Variants in SNX29 observed in about 807,000 individuals in gnomAD.
SNX29 encodes the protein sorting nexin 29, also known as sorting nexin-29.
In SNX29, 78 loss-of-function variants were observed where a neutral mutation model predicts 102.1. The observed-to-expected ratio is 0.76, with a 90% CI of 0.64 to 0.92. The LOEUF (loss-of-function observed/expected upper bound fraction) is 0.92, where lower values mean the gene tolerates loss of function less well. Among genes scored for constraint, SNX29 ranks in the 40% least tolerant of loss-of-function variants. The pLI, the probability that SNX29 is intolerant of heterozygous loss-of-function variation, is 0.00. For synonymous variants in SNX29, 580 were observed against 414.5 expected (o/e 1.40, Z -4.85); for missense variants, 1,280 against 1,061.7 (o/e 1.21, Z -2.86).
At chr16:12,073,633 A>G (rs1453133555) in intron 10 of SNX29, among the ~76,000 whole-genome samples, 2 of 152,200 alleles carry the variant, frequency 1.3e-5, no homozygotes, top group African/African-American at 4.8e-5. Flanking sequence ...GCTGAAAAAA[A>G]TATATATTCT....
chr16:12,568,524 A>G lies in SNX29; in HGVS notation c.2337A>G (p.Gly779=), dbSNP rs754692583. Reference sequence around the variant, plus strand: ...CTTTCAGCGACATCACCCCGCCCGGAGAGCCTGTGAACAGCCGGCCCAAAG... The same window carrying G: ...CTTTCAGCGACATCACCCCGCCCGGGGAGCCTGTGAACAGCCGGCCCAAAG... The part of the protein sequence containing the change: ...MPFFVDITPP[G]EPVNSRPKAA... Residue 779 remains glycine, a synonymous_variant, in exon 21 of 21, where the codon GGA becomes GGG. Coordinates refer to ENST00000566228, the MANE Select transcript of SNX29 (RefSeq NM_032167.5). The G allele has an allele frequency of 1.2e-6, 2 of 1,609,818 alleles. No homozygotes were observed. The highest frequency in any genetic ancestry group is 1.7e-6 in the Non-Finnish European group (2 of 1,179,842).
At chr16:12,276,128 A>C (rs1420167280) in intron 14 of SNX29, among the ~76,000 whole-genome samples, 3 of 152,056 alleles carry the variant, frequency 2.0e-5, no homozygotes, top group African/African-American at 7.2e-5. Flanking sequence ...CCTGACCTCA[A>C]GTGATCCACC....
chr16:12,457,570 A>G (rs1469391948), intron 18 of SNX29, among the ~76,000 whole-genome samples: 3 of 152,182 alleles, frequency 2.0e-5, no homozygotes, highest in Non-Finnish European at 4.4e-5. Flanking sequence ...AGGTGGGGGA[A>G]AAGACAAAGG....
At chr16:12,455,388 A>G (rs1167403897) in intron 18 of SNX29, among the ~76,000 whole-genome samples, 1 of 152,142 alleles carries the variant, frequency 6.6e-6, no homozygotes, top group Non-Finnish European at 1.5e-5. Flanking sequence ...ACACCAGGCA[A>G]GCCCTGCATA....
intron 3 of SNX29, among the ~76,000 whole-genome samples, chr16:12,006,807 T>A (rs975285353): frequency 6.6e-6 from 1 of 152,090 alleles, no homozygotes; most frequent in African/African-American, 2.4e-5. Flanking sequence ...TTTGTAGAGA[T>A]GGGGTCTCAC....
At chr16:12,093,897 G>GA (rs1267169744) in intron 11 of SNX29, 7 of 152,284 alleles carry the variant, frequency 4.6e-5, no homozygotes, top group South Asian at 2.1e-4. Context: ...CCAGGCTTTA[G>GA]AAAAAAGTAA....
chr16:12,439,202 C>T (rs1374468729), intron 18 of SNX29, among the ~76,000 whole-genome samples: 1 of 152,154 alleles, frequency 6.6e-6, no homozygotes, highest in Non-Finnish European at 1.5e-5. Context: ...GAAGCAGCCT[C>T]TGTAGGCAGG....
intron 14 of SNX29, among the ~76,000 whole-genome samples, chr16:12,275,507 CAG>C (rs1159462254): frequency 1.3e-5 from 2 of 152,206 alleles, no homozygotes; most frequent in Non-Finnish European, 1.5e-5. Context: ...CCGTCATTTC[CAG>C]AGGTGTCTTG....
At chr16:12,384,136 G>A (rs1042583275) in intron 16 of SNX29, among the ~76,000 whole-genome samples, 2 of 152,170 alleles carry the variant, frequency 1.3e-5, no homozygotes, top group Non-Finnish European at 2.9e-5. Context: ...GGACATTTAG[G>A]TTGCTTCCAA....
In SNX29 at chr16:12,098,081, A is replaced by G. The variant is rs1447122082; in HGVS notation, c.1402+19166A>G. Reference sequence around the variant, plus strand: ...GAGGTGAATAGCACTTGCCATGTGCAGTGCCCGCACACGCTGGGCCCAGAG... The same window carrying G: ...GAGGTGAATAGCACTTGCCATGTGCGGTGCCCGCACACGCTGGGCCCAGAG... On this transcript the variant is annotated intron_variant, in intron 11 of 20. Coordinates refer to ENST00000566228, the MANE Select transcript of SNX29 (RefSeq NM_032167.5). The surrounding 1 kb of genome is among the most constrained non-coding windows in gnomAD (Gnocchi z 6.0). 6.6e-6 allele frequency among the ~76,000 whole-genome samples: 1 copy of G among 152,216 alleles called. No homozygotes were observed. The highest frequency in any genetic ancestry group is 1.5e-5 in the Non-Finnish European group (1 of 68,036).
intron 19 of SNX29, among the ~76,000 whole-genome samples, chr16:12,513,701 GTTTTC>G (rs1038631496): frequency 6.6e-6 from 1 of 152,182 alleles, no homozygotes; most frequent in African/African-American, 2.4e-5. Flanking sequence ...GATTAGAACA[GTTTTC>G]TTTTCTAAAT....
At chr16:11,999,683 C>T (rs1390273728) in intron 2 of SNX29, among the ~76,000 whole-genome samples, 1 of 152,170 alleles carries the variant, frequency 6.6e-6, no homozygotes, top group Non-Finnish European at 1.5e-5. Flanking sequence ...GACCGGATCA[C>T]TTGAGGTCAG....
intron 3 of SNX29, among the ~76,000 whole-genome samples, chr16:12,003,687 A>G (rs2056366078): frequency 6.6e-6 from 1 of 152,136 alleles, no homozygotes; most frequent in South Asian, 2.1e-4. Flanking sequence ...TATTGTGATC[A>G]TTTGTTCCTT....
intron 20 of SNX29, among the ~76,000 whole-genome samples, chr16:12,544,393 G>C (rs1418929009): frequency 1.3e-5 from 2 of 152,174 alleles, no homozygotes; most frequent in Non-Finnish European, 2.9e-5. Flanking sequence ...GTTGTGAGGT[G>C]GTTCTGCTAA....
chr16:12,481,761 C>T (rs546987076), intron 19 of SNX29, among the ~76,000 whole-genome samples: 5 of 152,318 alleles, frequency 3.3e-5, no homozygotes, highest in Admixed American at 1.3e-4. Context: ...TCTCAAACTC[C>T]TGATCTCAAG....
At chr16:12,326,458 C>T (rs1042937182) in intron 15 of SNX29, among the ~76,000 whole-genome samples, 4 of 151,632 alleles carry the variant, frequency 2.6e-5, no homozygotes, top group Non-Finnish European at 5.9e-5. Flanking sequence ...CTGTAAAGGG[C>T]TGTGTCGGAA....
chr16:12,254,116 G>T lies in SNX29; in HGVS notation c.1679-23817G>T, dbSNP rs143194255. ...ATGGCTTTGTGGGGGCCGAGCAGGAGCTTGGGTACAGGCATGTTGAGTGTG... is the reference window on the plus strand; with the variant it reads ...ATGGCTTTGTGGGGGCCGAGCAGGATCTTGGGTACAGGCATGTTGAGTGTG... On this transcript the variant is annotated intron_variant, in intron 14 of 20. Coordinates refer to ENST00000566228, the MANE Select transcript of SNX29 (RefSeq NM_032167.5). Among the ~76,000 whole-genome samples the T allele has an allele frequency of 1.9e-3, 290 of 152,294 alleles. 1 individual carries two copies. The highest frequency in any genetic ancestry group is 3.6e-3 in the Non-Finnish European group (244 of 68,018).
chr16:12,187,652 A>G (rs986016229), intron 13 of SNX29, among the ~76,000 whole-genome samples: 11 of 151,814 alleles, frequency 7.2e-5, no homozygotes, highest in Middle Eastern at 3.4e-3. Flanking sequence ...ATTTCATAGT[A>G]GTTTCTCTTG....
intron 20 of SNX29, among the ~76,000 whole-genome samples, chr16:12,564,292 G>A (rs73512012): frequency 0.011 from 1,646 of 152,268 alleles, 23 homozygotes; most frequent in African/African-American, 0.038. Context: ...AAGTTCCTAT[G>A]AAGTTGCTGG....
Sources: allele counts gnomAD v4.1 joint callset (sites outside exome capture counted in the v4.1 genomes callset), GRCh38; gene constraint gnomAD v4.1.1; non-coding constraint Gnocchi (gnomAD v3.1); transcripts MANE v1.5; gene names NCBI Gene and HGNC (gene_info 2026-07-23, HGNC 2026-07-21).